The following NKAIN2 variants were observed in gnomAD, a reference collection of about 807,000 sequenced individuals.
NKAIN2 encodes the protein sodium/potassium-transporting ATPase subunit beta-1-interacting protein 2.
In NKAIN2, 14 loss-of-function variants were observed where a neutral mutation model predicts 32.6. The ratio of observed to expected loss-of-function variants is 0.43; its 90% CI spans 0.28 to 0.67. NKAIN2 has a LOEUF of 0.67. NKAIN2 is among the 30% of genes least tolerant of loss of function. The probability of loss-of-function intolerance (pLI) is 0.17; values close to 1 mark genes in which losing one functional copy is unlikely to be tolerated. For synonymous variants in NKAIN2, 80 were observed against 87.2 expected (o/e 0.92, Z 0.46); for missense variants, 198 against 258.3 (o/e 0.77, Z 1.60).
intron 4 of NKAIN2, among the ~76,000 whole-genome samples, chr6:124,758,869 A>G (rs541446411): frequency 6.6e-6 from 1 of 152,298 alleles, no homozygotes; most frequent in South Asian, 2.1e-4. Context: ...TCTTTTAGCA[A>G]AATTGAACAT....
chr6:124,360,339 T>C (rs1403276234), intron 3 of NKAIN2, among the ~76,000 whole-genome samples: 2 of 152,046 alleles, frequency 1.3e-5, no homozygotes, highest in South Asian at 2.1e-4. Flanking sequence ...CTGTCTTTTC[T>C]GCTTTTCCTA....
At chr6:124,688,041 AT>A (rs962051976) in intron 4 of NKAIN2, among the ~76,000 whole-genome samples, 4 of 151,978 alleles carry the variant, frequency 2.6e-5, no homozygotes, top group African/African-American at 9.6e-5. Flanking sequence ...TCACAGGTCA[AT>A]TTTTTTCTAC....
At chr6:124,755,359 A>G (rs1021693713) in intron 4 of NKAIN2, among the ~76,000 whole-genome samples, 1 of 152,130 alleles carries the variant, frequency 6.6e-6, no homozygotes, top group African/African-American at 2.4e-5. Flanking sequence ...AACCACGTTG[A>G]GGGTGGGTCT....
intron 1 of NKAIN2, among the ~76,000 whole-genome samples, chr6:124,073,754 C>T (rs1783563322): frequency 6.6e-6 from 1 of 152,104 alleles, no homozygotes; most frequent in South Asian, 2.1e-4. Context: ...CTCTGTGAAG[C>T]ATATAACATA....
chr6:124,692,689 G>A (rs1023367378), intron 4 of NKAIN2, among the ~76,000 whole-genome samples: 5 of 151,850 alleles, frequency 3.3e-5, no homozygotes, highest in African/African-American at 9.7e-5. Flanking sequence ...GGTGGCAGGC[G>A]CCTGTTGTCC....
chr6:124,016,809 G>C (rs1376458380), intron 1 of NKAIN2, among the ~76,000 whole-genome samples: 1 of 151,664 alleles, frequency 6.6e-6, no homozygotes, highest in African/African-American at 2.4e-5. Context: ...AAAAAATCCA[G>C]AGCTTAGAGT....
intron 4 of NKAIN2, among the ~76,000 whole-genome samples, chr6:124,677,711 T>C (rs1331535443): frequency 6.6e-6 from 1 of 152,190 alleles, no homozygotes; most frequent in Non-Finnish European, 1.5e-5. Flanking sequence ...TAATTTTGTA[T>C]TTTACTTCTA....
At chr6:124,785,851 G>C (rs979345968) in intron 4 of NKAIN2, among the ~76,000 whole-genome samples, 2 of 152,272 alleles carry the variant, frequency 1.3e-5, no homozygotes, top group Admixed American at 6.5e-5. Flanking sequence ...TCACCCCAGT[G>C]GGGAGAAGAG....
chr6:124,645,923 G>A (rs1436921515), intron 3 of NKAIN2, among the ~76,000 whole-genome samples: 1 of 152,052 alleles, frequency 6.6e-6, no homozygotes. Context: ...CTAGAATAGT[G>A]TTACCCACTG....
At chr6:124,090,314 C>G (rs1441399113) in intron 1 of NKAIN2, among the ~76,000 whole-genome samples, 1 of 151,946 alleles carries the variant, frequency 6.6e-6, no homozygotes, top group Non-Finnish European at 1.5e-5. Flanking sequence ...CAGATTATCT[C>G]CAATATGAAT....
chr6:123,893,627 G>T (rs560173986), intron 1 of NKAIN2, among the ~76,000 whole-genome samples: 58 of 152,308 alleles, frequency 3.8e-4, no homozygotes, highest in Admixed American at 7.2e-4. Flanking sequence ...CATGTTCAGT[G>T]TCCTGTGGCT....
intron 1 of NKAIN2, among the ~76,000 whole-genome samples, chr6:124,051,129 T>C (rs1290945884): frequency 6.6e-6 from 1 of 152,096 alleles, no homozygotes; most frequent in Non-Finnish European, 1.5e-5. Context: ...TTGTGTTTTG[T>C]ACTTGCATTT....
chr6:124,783,860 CT>C (rs1228614986), intron 4 of NKAIN2, among the ~76,000 whole-genome samples: 2 of 152,084 alleles, frequency 1.3e-5, no homozygotes, highest in African/African-American at 4.8e-5. Flanking sequence ...GTTCAAATTC[CT>C]ATTACAAAAA....
chr6:124,544,669 A>G (rs1371766879), intron 3 of NKAIN2, among the ~76,000 whole-genome samples: 2 of 152,244 alleles, frequency 1.3e-5, no homozygotes, highest in Middle Eastern at 3.4e-3. Flanking sequence ...TGGGAGGAAA[A>G]AAAAAAAGAT....
chr6:124,208,217 T>C (rs190341682), intron 1 of NKAIN2, among the ~76,000 whole-genome samples: 86 of 151,958 alleles, frequency 5.7e-4, no homozygotes, highest in Admixed American at 3.2e-3. Flanking sequence ...TTTCTTGATA[T>C]ATAAAATTTG....
chr6:123,988,828 T>C (rs1779277298), intron 1 of NKAIN2, among the ~76,000 whole-genome samples: 1 of 151,966 alleles, frequency 6.6e-6, no homozygotes, highest in South Asian at 2.1e-4. Flanking sequence ...CCTTTAGTAG[T>C]TTGTAGTAAA....
intron 3 of NKAIN2, among the ~76,000 whole-genome samples, chr6:124,564,095 C>G (rs570310949): frequency 6.6e-6 from 1 of 152,138 alleles, no homozygotes; most frequent in African/African-American, 2.4e-5. Flanking sequence ...ACATTCCACA[C>G]TGGGTTTGAG....
At chr6:124,207,322 G>A (rs189330901) in intron 1 of NKAIN2, among the ~76,000 whole-genome samples, 101 of 151,148 alleles carry the variant, frequency 6.7e-4, no homozygotes, top group African/African-American at 2.4e-3. Flanking sequence ...AATAATAATC[G>A]GGAACTTAAT....
At chr6:123,834,918 C>T (rs1485280632) in intron 1 of NKAIN2, among the ~76,000 whole-genome samples, 1 of 152,074 alleles carries the variant, frequency 6.6e-6, no homozygotes, top group Admixed American at 6.6e-5. Context: ...TGATAAATCC[C>T]ACTTGGTTGT....
Sources: allele counts gnomAD v4.1 joint callset (sites outside exome capture counted in the v4.1 genomes callset), GRCh38; gene constraint gnomAD v4.1.1; transcripts MANE v1.5; gene names NCBI Gene and HGNC (gene_info 2026-07-23, HGNC 2026-07-21).